The following CCDC25 variants were observed in gnomAD, a reference collection of about 807,000 sequenced individuals.
The protein encoded by CCDC25 is coiled-coil domain containing 25.
CCDC25 carries 16 observed loss-of-function variants against 35.3 expected under a neutral mutation model. The ratio of observed to expected loss-of-function variants is 0.45; its 90% CI spans 0.31 to 0.69. The LOEUF (loss-of-function observed/expected upper bound fraction) is 0.69. CCDC25 is among the 30% of genes least tolerant of loss of function. CCDC25 has a pLI of 0.06. For missense variants in CCDC25, 179 were observed against 250.7 expected (o/e 0.71, Z 1.93); for synonymous variants, 79 against 80.3 (o/e 0.98, Z 0.09).
At position 27,761,976 on chromosome 8, in the gene CCDC25, A is replaced by C. The variant is rs529246276; in HGVS notation, c.116+443T>G. Among the ~76,000 whole-genome samples, 12 of 152,342 alleles carry C rather than the reference A, an allele frequency of 7.9e-5. No homozygotes were observed. The East Asian group carries it at 2.1e-3, about 27-fold the overall frequency. ...GTTGGATCAAGACAGAGCTAAACTC[A>C]TCAGGGAGTTTAGAAGACAAAGGGG... On this transcript the variant is annotated intron_variant, in intron 3 of 8. Transcript: ENST00000356537.
At chr8:27,741,782 G>A (rs935001888) in intron 7 of CCDC25, among the ~76,000 whole-genome samples, 1 of 152,182 alleles carries the variant, frequency 6.6e-6, no homozygotes. Flanking sequence ...TAGAGAGGTG[G>A]TTAAGACAAG....
chr8:27,771,372 C>G (rs1482041943), intron 1 of CCDC25, among the ~76,000 whole-genome samples: 1 of 152,136 alleles, frequency 6.6e-6, no homozygotes, highest in Non-Finnish European at 1.5e-5. Flanking sequence ...CATTAAGGGA[C>G]GCATGGCTAC....
At chr8:27,756,250 T>C (rs1230832417) in intron 4 of CCDC25, 1 of 154,214 alleles carries the variant, frequency 6.5e-6, no homozygotes, top group African/African-American at 2.4e-5. Flanking sequence ...ATTGGAAAAA[T>C]AGTGGTATTG....
At chr8:27,750,466 T>A (rs545484274) in intron 5 of CCDC25, among the ~76,000 whole-genome samples, 15 of 152,170 alleles carry the variant, frequency 9.9e-5, no homozygotes, top group Non-Finnish European at 1.9e-4. Flanking sequence ...TCCATCAGTG[T>A]TAGCAATTAC....
At chr8:27,750,327 G>A (rs959033941) in intron 5 of CCDC25, among the ~76,000 whole-genome samples, 3 of 152,188 alleles carry the variant, frequency 2.0e-5, no homozygotes, top group African/African-American at 7.2e-5. Context: ...AGACCTCTAA[G>A]ACCTTGAACA....
chr8:27,753,330 C>T lies in CCDC25; in HGVS notation c.169-743G>A, dbSNP rs141902957. Among the ~76,000 whole-genome samples the T allele has an allele frequency of 8.7e-3, 1,319 of 152,284 alleles. 20 individuals carry two copies. Among genetic ancestry groups the T allele is most frequent in the African/African-American group, 0.03 (1,247 of 41,550 alleles). On this transcript the variant is annotated intron_variant, in intron 4 of 8. Coordinates refer to ENST00000356537, the MANE Select transcript of CCDC25 (RefSeq NM_018246.3). The stretch of plus-strand genomic sequence containing the variant: ...TTAGTCTTACTGCATTTCCAACTTC[C>T]TTGGTACCTACTAATTACAATGGCT...
At position 27,748,562 on chromosome 8, in the gene CCDC25, G is replaced by A. The variant is rs768473604; in HGVS notation, c.281C>T (p.Pro94Leu). 63 of 1,613,522 alleles carry A rather than the reference G, an allele frequency of 3.9e-5. No homozygotes were observed. Among genetic ancestry groups the A allele is most frequent in the Non-Finnish European group, 4.9e-5 (58 of 1,179,884 alleles). Residue 94 changes from proline (P) to leucine (L), a missense_variant, in exon 6 of 9, where the codon CCG becomes CTG. Physicochemically the swap from Pro to Leu is moderately conservative, Grantham distance 98 (BLOSUM62 -3). Coordinates refer to ENST00000356537, the MANE Select transcript of CCDC25 (RefSeq NM_018246.3). ...KMNNVNVVYTPWSNLKKTADM... is the reference protein window; with the variant it reads ...KMNNVNVVYTLWSNLKKTADM... ...AGCTGTTTTCTTCAGGTTAGACCACGGCGTATATACCACATTAACGTTGTT... is the reference window on the plus strand; with the variant it reads ...AGCTGTTTTCTTCAGGTTAGACCACAGCGTATATACCACATTAACGTTGTT...
intron 8 of CCDC25, among the ~76,000 whole-genome samples, chr8:27,738,221 C>G (rs1055562076): frequency 6.6e-6 from 1 of 151,948 alleles, no homozygotes. Context: ...AAAGAACTTA[C>G]TCATGTAGCC....
At chr8:27,770,433 A>G (rs1278239364) in intron 1 of CCDC25, among the ~76,000 whole-genome samples, 6 of 151,688 alleles carry the variant, frequency 4.0e-5, no homozygotes, top group African/African-American at 1.2e-4. Context: ...TCTCAAAAAT[A>G]AATAAAATAA....
chr8:27,758,283 C>T (rs1372751687), intron 3 of CCDC25, among the ~76,000 whole-genome samples: 1 of 152,202 alleles, frequency 6.6e-6, no homozygotes, highest in Non-Finnish European at 1.5e-5. Context: ...TGGTCACCTT[C>T]ACACCTAGTA....
intron 1 of CCDC25, among the ~76,000 whole-genome samples, chr8:27,767,436 C>A (rs1804437688): frequency 6.6e-6 from 1 of 151,954 alleles, no homozygotes. Flanking sequence ...TAAGCTACAG[C>A]CAAAATAATA....
intron 7 of CCDC25, among the ~76,000 whole-genome samples, chr8:27,747,269 A>C (rs74538874): frequency 0.025 from 3,771 of 152,256 alleles, 178 homozygotes; most frequent in African/African-American, 0.086. Context: ...CAATCTAATC[A>C]CACTGTTCCT....
At chr8:27,767,057 G>A (rs546446625) in intron 1 of CCDC25, among the ~76,000 whole-genome samples, 2 of 152,100 alleles carry the variant, frequency 1.3e-5, no homozygotes, top group African/African-American at 2.4e-5. Flanking sequence ...TTTGTAATTA[G>A]AACAGAATTT....
At chr8:27,738,150 A>T (rs1176862123) in intron 8 of CCDC25, among the ~76,000 whole-genome samples, 1 of 152,032 alleles carries the variant, frequency 6.6e-6, no homozygotes, top group Non-Finnish European at 1.5e-5. Context: ...AAAGACTACA[A>T]ATATGGTGCA....
At chr8:27,740,910 C>T (rs1803414377) in intron 7 of CCDC25, among the ~76,000 whole-genome samples, 1 of 152,136 alleles carries the variant, frequency 6.6e-6, no homozygotes, top group Non-Finnish European at 1.5e-5. Context: ...GGAGGAAACA[C>T]ATCAGTGTGG....
chr8:27,748,598 C>A lies in CCDC25; in HGVS notation c.245G>T (p.Gly82Val). The change falls in exon 6 of 9, where the codon GGC (glycine) becomes GTC (valine). Residue 82 changes from glycine (G) to valine (V), a missense_variant and splice_region_variant. Gly to Val is a moderately radical substitution (Grantham distance 109, BLOSUM62 -3). Transcript: ENST00000356537. The stretch of plus-strand genomic sequence containing the variant: ...CACATTAACGTTGTTCATCTTGCAG[C>A]CTGCCAAGAGAGACTGTCTTCAACA... ...AHLVKANSIQ[G>V]CKMNNVNVVY... is the part of the protein sequence containing the mutation. 2 of 1,610,872 alleles carry A rather than the reference C, an allele frequency of 1.2e-6. No homozygotes were observed. Among genetic ancestry groups the A allele is most frequent in the Non-Finnish European group, 1.7e-6 (2 of 1,177,122 alleles).
chr8:27,762,281 G>A (rs1233134331), intron 3 of CCDC25, 138 bp downstream of exon 3: 2 of 711,720 alleles, frequency 2.8e-6, no homozygotes, highest in African/African-American at 3.7e-5. Flanking sequence ...AATTAGAAAT[G>A]AAGGAACTGG....
chr8:27,764,041 C>A (rs952356501), intron 2 of CCDC25, among the ~76,000 whole-genome samples: 3 of 152,184 alleles, frequency 2.0e-5, no homozygotes, highest in African/African-American at 4.8e-5. Flanking sequence ...ATAAAAAGAA[C>A]AGACCTGAAA....
At chr8:27,748,710 A>C in intron 5 of CCDC25, 112 bp from the exon 6 acceptor site, 3 of 740,454 alleles carry the variant, frequency 4.1e-6, no homozygotes, top group Non-Finnish European at 7.0e-6. Flanking sequence ...TAGAACGAAC[A>C]GGCCACCCCT....
Sources: allele counts gnomAD v4.1 joint callset (sites outside exome capture counted in the v4.1 genomes callset), GRCh38; gene constraint gnomAD v4.1.1; transcripts MANE v1.5; gene names NCBI Gene and HGNC (gene_info 2026-07-23, HGNC 2026-07-21).